The following MAST1 variants were observed in gnomAD, a reference collection of about 807,000 sequenced individuals.
MAST1 encodes the protein microtubule-associated serine/threonine-protein kinase 1.
A neutral mutation model predicts 124.6 loss-of-function variants in MAST1; 40 were observed. The ratio of observed to expected loss-of-function variants is 0.32; its 90% confidence interval spans 0.25 to 0.42. The LOEUF is 0.42. MAST1 is among the 10% of genes least tolerant of loss of function. MAST1 has a pLI of 1.00. For synonymous variants in MAST1, 938 were observed against 939.4 expected (o/e 1.00, Z 0.03); for missense variants, 1,558 against 2,181.9 (o/e 0.71, Z 5.70).
rs1012590503 is a variant in MAST1, at chr19:12,849,205, G to T, written c.774+1148G>T. ...TGGAACAATACCCAGCACACAGTAGGTACTCAATAAATGTTGGGTAAATTG... is the reference window on the plus strand; with the variant it reads ...TGGAACAATACCCAGCACACAGTAGTTACTCAATAAATGTTGGGTAAATTG... On this transcript the variant is annotated intron_variant, in intron 7 of 25. Transcript: ENST00000251472. Among the ~76,000 whole-genome samples, 5 of 152,070 alleles carry T rather than the reference G, an allele frequency of 3.3e-5. No homozygotes were observed. The South Asian group carries it at 1.0e-3, about 31-fold the overall frequency.
Position 12,838,961 on chromosome 19 carries a change from TG to T in MAST1, c.83+312del, listed in dbSNP as rs1969793808. Among the ~76,000 whole-genome samples, 1 of 149,784 alleles carries T rather than the reference TG, an allele frequency of 6.7e-6. No homozygotes were observed. The highest frequency in any genetic ancestry group is 1.5e-5 in the Non-Finnish European group (1 of 67,332). On this transcript the variant is annotated intron_variant, in intron 1 of 25. Coordinates refer to ENST00000251472, the MANE Select transcript of MAST1 (RefSeq NM_014975.3). The surrounding 1 kb of genome is among the most constrained non-coding windows in gnomAD (Gnocchi z 4.3). ...TGGGGGTAGAGGAAGAAGGGGAGGC[TG>T]GGGGGCTTGGCACCCTCAGAACAAT... is the stretch of plus-strand genomic sequence containing the variant.
rs1473936028 is a variant in MAST1 at position 12,871,045 on chromosome 19, A to G, written c.3136A>G (p.Lys1046Glu). The G allele has an allele frequency of 6.2e-7, 1 of 1,614,178 alleles. No homozygotes were observed. Among genetic ancestry groups the G allele is most frequent in the Non-Finnish European group, 8.5e-7 (1 of 1,180,032 alleles). ...CGCATTCTTCCCCCAGAGTGGCAAC[A>G]AGGTAGCAGTGACCACAACGCCCTT... ...VVELILKSGN[K>E]VAVTTTPFEN... Residue 1046 changes from lysine (K) to glutamate (E), a missense_variant, in exon 24 of 26, where the codon AAG (lysine) becomes GAG (glutamate). Lys to Glu is a moderately conservative substitution (Grantham distance 56). Coordinates refer to ENST00000251472, the MANE Select transcript of MAST1 (RefSeq NM_014975.3).
In MAST1 at chr19:12,843,141, G is replaced by T. The variant is rs566768150; in HGVS notation, c.249-388G>T. 5.9e-5 allele frequency among the ~76,000 whole-genome samples: 9 copies of T among 152,216 alleles called. No homozygotes were observed. Among genetic ancestry groups the T allele is most frequent in the African/African-American group, 2.2e-4 (9 of 41,530 alleles). On this transcript the variant is annotated intron_variant, in intron 3 of 25. Coordinates refer to ENST00000251472, the MANE Select transcript of MAST1 (RefSeq NM_014975.3). The surrounding 1 kb of genome is among the most constrained non-coding windows in gnomAD (Gnocchi z 4.9). ...TATTCTATGTCAGAACATGTTGGGG[G>T]GTGGGACGGGTCTTTTTTCTCTGAG...
chr19:12,868,131 CAG>C (rs1336333535), intron 20 of MAST1, among the ~76,000 whole-genome samples, 154 bp downstream of exon 20: 6 of 59,046 alleles, frequency 1.0e-4, no homozygotes, highest in South Asian at 7.7e-4. Context: ...TTTTTTGAGA[CAG>C]AGTCTCACTC....
In MAST1 at chr19:12,846,870, C is replaced by CAAAAAA. The variant is rs386388580; in HGVS notation, c.328-401_328-396dup. ...AGGCAACAAGAACGAAACTCCATCT[C>CAAAAAA]AAAAAAAAAAAAAAAAAAAAAAAAG... On this transcript the variant is annotated intron_variant, in intron 4 of 25. Transcript: ENST00000251472. Among the ~76,000 whole-genome samples, 138 of 47,146 alleles carry CAAAAAA rather than the reference C, an allele frequency of 2.9e-3. 1 individual carries two copies. The highest frequency in any genetic ancestry group is 0.012 in the Middle Eastern group (1 of 84). The allele number at this position is 47,146 out of a possible 152,430, so 30.9% of individuals were successfully genotyped here. A position where few individuals can be genotyped will look rare whatever the true frequency, so the allele number is the denominator to read the frequency against.
In MAST1 at chr19:12,857,915, C is replaced by T. The variant is rs535101935; in HGVS notation, c.1078-447C>T. Among the ~76,000 whole-genome samples the T allele has an allele frequency of 6.2e-5, 9 of 144,308 alleles. No homozygotes were observed. In the East Asian group the frequency reaches 2.0e-3, roughly 31 times the overall value. The allele number at this position is 144,308 out of a possible 152,430, so 94.7% of individuals were successfully genotyped here. ...CCTGTGGTCCCAGCTACCTGGGAGG[C>T]TGAGGCAGGAGAATCACTTGAGCCC... On this transcript the variant is annotated intron_variant, in intron 10 of 25. Transcript: ENST00000251472.
At chr19:12,864,702 C>T (rs1016941358) in intron 12 of MAST1, 107 bp from the exon 13 acceptor site, 2 of 1,451,068 alleles carry the variant, frequency 1.4e-6, no homozygotes, top group African/African-American at 2.8e-5. Context: ...CTCAGTTTCC[C>T]TTATCTATAA....
chr19:12,840,618 A>G (rs2145882334), intron 2 of MAST1, 84 bp downstream of exon 2: 3 of 1,007,086 alleles, frequency 3.0e-6, no homozygotes, highest in Non-Finnish European at 4.6e-6. Context: ...GTCATGCTAC[A>G]GAAGGGGCGC....
Position 12,874,427 on chromosome 19 carries a change from A to G in MAST1, c.4270A>G (p.Ser1424Gly), listed in dbSNP as rs1441289110. The change falls in exon 26 of 26, where the codon AGC (serine) becomes GGC (glycine). Residue 1424 changes from serine (S) to glycine (G), a missense_variant. Transcript: ENST00000251472. The surrounding 1 kb of genome is among the most constrained non-coding windows in gnomAD (Gnocchi z 6.6). The part of the protein sequence containing the change: ...PVQEHETGRR[S>G]SSGEAGTPLV... ...GCAGGAACACGAGACAGGCCGGCGCAGCAGCTCTGGCGAGGCGGGCACACC... is the reference window on the plus strand; with the variant it reads ...GCAGGAACACGAGACAGGCCGGCGCGGCAGCTCTGGCGAGGCGGGCACACC... 12 of 1,598,136 alleles carry G rather than the reference A, an allele frequency of 7.5e-6. No homozygotes were observed. The Admixed American group carries it at 8.4e-5, about 11-fold the overall frequency.
chr19:12,848,312 C>A, intron 7 of MAST1: 1 of 477,866 alleles, frequency 2.1e-6, no homozygotes, highest in Admixed American at 3.8e-5. Flanking sequence ...CTTAGGCGGT[C>A]CCCAGTCATT....
rs1394752469 is a variant in MAST1 at position 12,843,391 on chromosome 19, G to A, written c.249-138G>A. 1.0e-5 allele frequency: 6 copies of A among 574,532 alleles called. No individual in the cohort carries two copies. The East Asian group carries it at 1.2e-4, about 12-fold the overall frequency. 35.6% of individuals were successfully genotyped at this position (574,532 alleles called of 1,614,324 possible). ...TCCCTCTTTATCCCCTTGATTCTGAGGGCCTTGAGGAATCTTAGAGTGCAG... is the reference window on the plus strand; with the variant it reads ...TCCCTCTTTATCCCCTTGATTCTGAAGGCCTTGAGGAATCTTAGAGTGCAG... On this transcript the variant is annotated intron_variant, in intron 3 of 25. Transcript: ENST00000251472. This position sits in a 1 kb window ranked among gnomAD's most constrained non-coding sequence, Gnocchi z 4.9.
chr19:12,871,633 A>AC (rs57743776), intron 24 of MAST1, among the ~76,000 whole-genome samples: 10 of 151,396 alleles, frequency 6.6e-5, no homozygotes, highest in Non-Finnish European at 1.3e-4. Flanking sequence ...AAACAAACAA[A>AC]AAAAGAGGGG....
At chr19:12,860,993 G>A (rs1015210894) in intron 12 of MAST1, among the ~76,000 whole-genome samples, 2 of 151,880 alleles carry the variant, frequency 1.3e-5, no homozygotes, top group African/African-American at 2.4e-5. Flanking sequence ...ACATCTCCCC[G>A]CCATGGAGAT....
chr19:12,849,327 G>T (rs749299250), intron 7 of MAST1, among the ~76,000 whole-genome samples: 6 of 152,110 alleles, frequency 3.9e-5, no homozygotes, highest in Non-Finnish European at 8.8e-5. Context: ...AGGAGCTTGA[G>T]ACCAGCTTGG....
chr19:12,870,779 T>C, intron 22 of MAST1, 45 bp from the exon 23 acceptor site: 1 of 1,538,692 alleles, frequency 6.5e-7, no homozygotes, highest in African/African-American at 1.4e-5. Context: ...CTTTCCTTGT[T>C]ACCAATCCCA....
chr19:12,866,170 G>C lies in MAST1; in HGVS notation c.2029+68G>C. 1 of 1,456,728 alleles carries C rather than the reference G, an allele frequency of 6.9e-7. No individual in the cohort carries two copies. The highest frequency in any genetic ancestry group is 1.1e-5 in the South Asian group (1 of 88,232). The allele number at this position is 1,456,728 out of a possible 1,614,324, so 90.2% of individuals were successfully genotyped here. A position where few individuals can be genotyped will look rare whatever the true frequency, so the allele number is the denominator to read the frequency against. On this transcript the variant is annotated intron_variant, in intron 17 of 25. Coordinates refer to ENST00000251472, the MANE Select transcript of MAST1 (RefSeq NM_014975.3). This position sits in a 1 kb window ranked among gnomAD's most constrained non-coding sequence, Gnocchi z 5.2. ...TCCGGGAAGAGGGACCCTGGGGTAA[G>C]TAAAGCCTGGGATAGGGCCTGGCTA...
Position 12,838,779 on chromosome 19 carries a change from T to G in MAST1, c.83+124T>G. 1.4e-6 allele frequency: 1 copy of G among 707,090 alleles called. No individual in the cohort carries two copies. Among genetic ancestry groups the G allele is most frequent in the Non-Finnish European group, 2.1e-6 (1 of 478,710 alleles). The allele number at this position is 707,090 out of a possible 1,614,324, so 43.8% of individuals were successfully genotyped here. The stretch of plus-strand genomic sequence containing the variant: ...CCAGCTGCGCCAGAGGTGCCCCAGC[T>G]GCGCCTTCCCGCCGGGGTTGGGGTT... On this transcript the variant is annotated intron_variant, in intron 1 of 25. Transcript: ENST00000251472. This position sits in a 1 kb window ranked among gnomAD's most constrained non-coding sequence, Gnocchi z 4.3.
Position 12,852,364 on chromosome 19 carries a change from C to G in MAST1, c.1046C>G (p.Ser349Cys). 1 of 1,614,084 alleles carries G rather than the reference C, an allele frequency of 6.2e-7. No individual in the cohort carries two copies. The highest frequency in any genetic ancestry group is 8.5e-7 in the Non-Finnish European group (1 of 1,180,002). ...CTGGAGGAACAGGACAGTGGTGGTT[C>G]CAACACCCCTGAGCAAGACGATCTC... is the stretch of plus-strand genomic sequence containing the variant. Reference protein sequence around the residue: ...VHLEEQDSGGSNTPEQDDLSE... With the variant: ...VHLEEQDSGGCNTPEQDDLSE... The change falls in exon 10 of 26, where the codon TCC becomes TGC. Residue 349 changes from serine (S) to cysteine (C), a missense_variant. Physicochemically the swap from Ser to Cys is moderately radical, Grantham distance 112 (BLOSUM62 -1). Coordinates refer to ENST00000251472, the MANE Select transcript of MAST1 (RefSeq NM_014975.3).
chr19:12,843,379 C>G lies in MAST1; in HGVS notation c.249-150C>G. On this transcript the variant is annotated intron_variant, in intron 3 of 25. Coordinates refer to ENST00000251472, the MANE Select transcript of MAST1 (RefSeq NM_014975.3). This position sits in a 1 kb window ranked among gnomAD's most constrained non-coding sequence, Gnocchi z 4.9. The stretch of plus-strand genomic sequence containing the variant: ...TGCCTGGAAGAGTCCCTCTTTATCC[C>G]CTTGATTCTGAGGGCCTTGAGGAAT... 1 of 556,714 alleles carries G rather than the reference C, an allele frequency of 1.8e-6. No individual in the cohort carries two copies. The highest frequency in any genetic ancestry group is 3.2e-6 in the Non-Finnish European group (1 of 314,338). 34.5% of individuals were successfully genotyped at this position (556,714 alleles called of 1,614,324 possible). A position where few individuals can be genotyped will look rare whatever the true frequency, so the allele number is the denominator to read the frequency against.
Sources: gnomAD v4.1 joint callset for allele counts (sites outside exome capture counted in the v4.1 genomes callset) on GRCh38, gnomAD v4.1.1 for gene constraint, Gnocchi (gnomAD v3.1) non-coding constraint, MANE v1.5 for transcripts, NCBI Gene and HGNC (gene_info 2026-07-23, HGNC 2026-07-21) for gene names.